The following CDH4 variants were observed in gnomAD, a reference collection of about 807,000 sequenced individuals.
CDH4 encodes cadherin 4, also known as cadherin-4.
A neutral mutation model predicts 86.0 loss-of-function variants in CDH4; 33 were observed. The observed-to-expected ratio is 0.38, with a 90% confidence interval of 0.29 to 0.51. The LOEUF (loss-of-function observed/expected upper bound fraction) is 0.51, where lower values mean the gene tolerates loss of function less well. Among genes scored for constraint, CDH4 ranks in the 20% least tolerant of loss-of-function variants. CDH4 has a pLI of 0.86. For missense variants in CDH4, 1,114 were observed against 1,307.4 expected, an observed-to-expected ratio of 0.85 and a Z score of 2.28; for synonymous variants, 555 against 549.4, an observed-to-expected ratio of 1.01 and a Z score of -0.14.
intron 2 of CDH4, among the ~76,000 whole-genome samples, chr20:61,707,094 TC>T (rs1400498663): frequency 6.6e-6 from 1 of 152,216 alleles, no homozygotes; most frequent in Non-Finnish European, 1.5e-5. Context: ...CTGAGGCCAG[TC>T]CCTTACACAG....
At chr20:61,420,210 C>A (rs1364718468) in intron 2 of CDH4, among the ~76,000 whole-genome samples, 1 of 152,250 alleles carries the variant, frequency 6.6e-6, no homozygotes, top group Admixed American at 6.5e-5. Flanking sequence ...CGAGAGCAAG[C>A]CTCCCTCTGC....
At chr20:61,895,399 GGGCCTT>G (rs1207132984) in intron 8 of CDH4, among the ~76,000 whole-genome samples, 1 of 152,252 alleles carries the variant, frequency 6.6e-6, no homozygotes, top group African/African-American at 2.4e-5. Flanking sequence ...TGCCCAGATG[GGGCCTT>G]GGCATGGCGG....
chr20:61,769,795 T>C (rs1461960438), intron 3 of CDH4, among the ~76,000 whole-genome samples: 1 of 152,220 alleles, frequency 6.6e-6, no homozygotes, highest in Non-Finnish European at 1.5e-5. Flanking sequence ...TCCTGTGGGC[T>C]ATGTTGGCGT....
intron 3 of CDH4, among the ~76,000 whole-genome samples, chr20:61,749,198 TTAA>T (rs1199441876): frequency 6.6e-6 from 1 of 152,210 alleles, no homozygotes; most frequent in Non-Finnish European, 1.5e-5. Context: ...TTGTGTGCAC[TTAA>T]TAATATGACT....
chr20:61,357,676 G>A (rs993625541), intron 2 of CDH4, among the ~76,000 whole-genome samples: 3 of 152,184 alleles, frequency 2.0e-5, no homozygotes, highest in African/African-American at 7.2e-5. Flanking sequence ...AGTGTTGCTA[G>A]AGCTTCACCT....
At chr20:61,545,824 GTGTGTA>G (rs1394556754) in intron 2 of CDH4, among the ~76,000 whole-genome samples, 5 of 140,858 alleles carry the variant, frequency 3.5e-5, no homozygotes, top group African/African-American at 5.2e-5. Context: ...GTGTTCACAT[GTGTGTA>G]TGTGTGTGTG....
intron 6 of CDH4, among the ~76,000 whole-genome samples, chr20:61,854,518 G>A (rs890296326): frequency 6.0e-5 from 9 of 150,194 alleles, no homozygotes; most frequent in Non-Finnish European, 1.2e-4. Context: ...CACCCCCAGG[G>A]GTGCAGTGTG....
intron 3 of CDH4, among the ~76,000 whole-genome samples, chr20:61,761,134 G>T (rs1393068429): frequency 1.3e-5 from 2 of 152,306 alleles, no homozygotes; most frequent in South Asian, 2.1e-4. Context: ...GTAGAGGAAT[G>T]AACTCTGTGT....
rs143472283 is a variant in CDH4, at chr20:61,878,297, A to G, written c.1050+4397A>G. On this transcript the variant is annotated intron_variant, in intron 7 of 15. Transcript: ENST00000614565. ...CCTGAGCTGCTCCCTCCCCAGGTTC[A>G]ATGCAGCCCCCGGCTGGAAGGTGGC... Among the ~76,000 whole-genome samples, 1,060 of 152,172 alleles carry G rather than the reference A, an allele frequency of 7.0e-3. 17 individuals carry two copies. The highest frequency in any genetic ancestry group is 0.024 in the African/African-American group (983 of 41,512).
intron 2 of CDH4, among the ~76,000 whole-genome samples, chr20:61,538,057 T>C (rs7265704): frequency 0.31 from 47,404 of 151,788 alleles, 11,893 homozygotes; most frequent in African/African-American, 0.69. Flanking sequence ...CTTAATTATG[T>C]ACAAAGCCAG....
intron 2 of CDH4, among the ~76,000 whole-genome samples, chr20:61,275,392 G>A (rs1457126614): frequency 1.1e-5 from 1 of 93,176 alleles, no homozygotes; most frequent in Non-Finnish European, 2.0e-5. Flanking sequence ...ACTGTGTGCA[G>A]TTTGGGGAGT....
intron 2 of CDH4, among the ~76,000 whole-genome samples, chr20:61,295,082 C>T (rs1173775749): frequency 1.3e-5 from 2 of 152,302 alleles, no homozygotes; most frequent in African/African-American, 2.4e-5. Flanking sequence ...ATGACTTTGT[C>T]GAAGGCAGGG....
At chr20:61,349,179 G>A (rs75638568) in intron 2 of CDH4, among the ~76,000 whole-genome samples, 30,091 of 152,052 alleles carry the variant, frequency 0.2, 2,951 homozygotes, top group Middle Eastern at 0.35. Flanking sequence ...CTGCAGCCCC[G>A]ATGGACAGGC....
chr20:61,519,351 T>A (rs2085850787), intron 2 of CDH4, among the ~76,000 whole-genome samples: 1 of 152,246 alleles, frequency 6.6e-6, no homozygotes, highest in African/African-American at 2.4e-5. Context: ...TTCTAGCCTC[T>A]GGGCTTTGGT....
At chr20:61,268,605 G>A (rs1023578932) in intron 2 of CDH4, among the ~76,000 whole-genome samples, 1 of 152,144 alleles carries the variant, frequency 6.6e-6, no homozygotes, top group African/African-American at 2.4e-5. Context: ...TTCATGAGTG[G>A]TTTGGTGCTG....
chr20:61,827,371 C>G (rs1367560992), intron 4 of CDH4, among the ~76,000 whole-genome samples: 1 of 152,068 alleles, frequency 6.6e-6, no homozygotes, highest in Non-Finnish European at 1.5e-5. Flanking sequence ...CTTTCAGTAA[C>G]CATGTTGTTT....
chr20:61,357,822 C>A (rs1250808064), intron 2 of CDH4, among the ~76,000 whole-genome samples: 1 of 152,210 alleles, frequency 6.6e-6, no homozygotes, highest in Non-Finnish European at 1.5e-5. Flanking sequence ...GACCACATGC[C>A]TGCAAGTGAT....
rs2055224271 is a variant in CDH4 at position 61,938,529 on chromosome 20, C to G, written c.*1586C>G. 1 of 152,452 alleles carries G rather than the reference C, an allele frequency of 6.6e-6. No homozygotes were observed. Among genetic ancestry groups the G allele is most frequent in the Admixed American group, 6.5e-5 (1 of 15,292 alleles). 9.4% of individuals were successfully genotyped at this position (152,452 alleles called of 1,614,324 possible). ...GAGGAAGGAGGTGAGGTACCAGGGA[C>G]CCTGGGCAGGACCTGGTGTCGGGCA... is the stretch of plus-strand genomic sequence containing the variant. On this transcript the variant is annotated 3_prime_UTR_variant, in exon 16 of 16. Transcript: ENST00000614565.
intron 2 of CDH4, among the ~76,000 whole-genome samples, chr20:61,311,666 C>T (rs969339758): frequency 1.3e-5 from 2 of 152,132 alleles, no homozygotes; most frequent in Non-Finnish European, 2.9e-5. Flanking sequence ...CAAAACTGGC[C>T]AAGACCTATG....
Sources: gnomAD v4.1 joint callset for allele counts (sites outside exome capture counted in the v4.1 genomes callset) on GRCh38, gnomAD v4.1.1 for gene constraint, MANE v1.5 for transcripts, NCBI Gene and HGNC (gene_info 2026-07-23, HGNC 2026-07-21) for gene names.